Variants in PCOLCE2 observed in about 807,000 individuals in gnomAD.
PCOLCE2 encodes procollagen C-proteinase enhancer 2.
A neutral mutation model predicts 47.0 loss-of-function variants in PCOLCE2; 42 were observed. The ratio of observed to expected loss-of-function variants is 0.89; its 90% CI spans 0.70 to 1.16. PCOLCE2 has a LOEUF of 1.16. Among genes scored for constraint, PCOLCE2 ranks in the 50% most tolerant of loss-of-function variants. The pLI is 0.00. For synonymous variants in PCOLCE2, 169 were observed against 191.7 expected, an observed-to-expected ratio of 0.88 and a Z score of 0.98; for missense variants, 500 against 526.1, an observed-to-expected ratio of 0.95 and a Z score of 0.49.
At position 142,848,466 on chromosome 3, in the gene PCOLCE2, C is replaced by A. The variant is rs770509532; in HGVS notation, c.199G>T (p.Glu67Ter). The A allele has an allele frequency of 3.8e-6, 6 of 1,594,228 alleles. No individual in the cohort carries two copies. The highest frequency in any genetic ancestry group is 3.3e-5 in the South Asian group (3 of 90,072). Reference sequence around the variant, plus strand: ...AAATTGAGAACGACTACTTTTCCTTCGGGAACCTGCCAAGAAAAGCGCCAA... The same window carrying A: ...AAATTGAGAACGACTACTTTTCCTTAGGGAACCTGCCAAGAAAAGCGCCAA... ...SKCTWKITVP[E>*]GKVVVLNFRF... Residue 67 changes from glutamate to a stop codon, truncating the protein, a stop_gained, in exon 3 of 9, where the codon GAA (glutamate) becomes TAA (stop). Coordinates refer to ENST00000295992, the MANE Select transcript of PCOLCE2 (RefSeq NM_013363.4). LOFTEE classifies it high-confidence loss of function.
At chr3:142,870,508 C>CT (rs756848297) in intron 2 of PCOLCE2, among the ~76,000 whole-genome samples, 6 of 152,132 alleles carry the variant, frequency 3.9e-5, no homozygotes, top group Non-Finnish European at 8.8e-5. Flanking sequence ...ACTCCAAACT[C>CT]TCAGCAACCA....
At chr3:142,839,426 C>T (rs1937240640) in intron 4 of PCOLCE2, among the ~76,000 whole-genome samples, 1 of 152,056 alleles carries the variant, frequency 6.6e-6, no homozygotes, top group South Asian at 2.1e-4. Context: ...AATTATCCTG[C>T]CTCAGCCTCC....
chr3:142,830,147 T>C (rs1440248540), intron 5 of PCOLCE2, among the ~76,000 whole-genome samples: 1 of 152,204 alleles, frequency 6.6e-6, no homozygotes, highest in Non-Finnish European at 1.5e-5. Flanking sequence ...CTCAAGGCCC[T>C]ATAGCTAGTA....
Position 142,818,147 on chromosome 3 carries a change from C to T in PCOLCE2, c.*188G>A, listed in dbSNP as rs1936971571. On this transcript the variant is annotated 3_prime_UTR_variant, in exon 9 of 9. Coordinates refer to ENST00000295992, the MANE Select transcript of PCOLCE2 (RefSeq NM_013363.4). ...AATCAGATAGCTGCTCCTCTGACAG[C>T]AGGCAAAGAACTTCCCTCAGCTATC... 1.4e-5 allele frequency: 7 copies of T among 499,608 alleles called. No homozygotes were observed. The highest frequency in any genetic ancestry group is 2.5e-5 in the Non-Finnish European group (7 of 283,092). The allele number at this position is 499,608 out of a possible 1,614,324, so 30.9% of individuals were successfully genotyped here. A position where few individuals can be genotyped will look rare whatever the true frequency, so the allele number is the denominator to read the frequency against.
intron 2 of PCOLCE2, among the ~76,000 whole-genome samples, chr3:142,885,073 A>T (rs11718990): frequency 9.2e-5 from 14 of 151,988 alleles, no homozygotes; most frequent in Admixed American, 9.2e-4. Flanking sequence ...TCCAATCTGC[A>T]GGCTGTACTT....
intron 2 of PCOLCE2, among the ~76,000 whole-genome samples, chr3:142,870,025 A>C (rs1578048287): frequency 6.6e-6 from 1 of 152,244 alleles, no homozygotes; most frequent in Non-Finnish European, 1.5e-5. Flanking sequence ...TTACCATGCT[A>C]TCTTAAAATT....
rs1312733448 is a variant in PCOLCE2 at position 142,829,816 on chromosome 3, A to G, written c.741T>C (p.Leu247=). The change falls in exon 6 of 9, where the codon CTT becomes CTC. Residue 247 remains leucine (L), a synonymous_variant. Coordinates refer to ENST00000295992, the MANE Select transcript of PCOLCE2 (RefSeq NM_013363.4). ...APIVSERNEL[L]IQFLSDLSLT... is the part of the protein sequence containing the mutation. The stretch of plus-strand genomic sequence containing the variant: ...AACTTAAGTCTGATAAAAACTGAAT[A>G]AGAAGTTCATTTCTCTCAGACACAA... The G allele has an allele frequency of 1.3e-6, 2 of 1,597,212 alleles. No homozygotes were observed. Among genetic ancestry groups the G allele is most frequent in the Non-Finnish European group, 1.7e-6 (2 of 1,169,692 alleles).
intron 4 of PCOLCE2, among the ~76,000 whole-genome samples, chr3:142,840,391 TA>T (rs1189398707): frequency 1.3e-5 from 2 of 152,172 alleles, no homozygotes; most frequent in African/African-American, 4.8e-5. Flanking sequence ...TCACTGGATT[TA>T]TTATTACCTA....
intron 2 of PCOLCE2, among the ~76,000 whole-genome samples, chr3:142,862,621 A>G (rs1214093100): frequency 6.6e-6 from 1 of 152,214 alleles, no homozygotes; most frequent in Non-Finnish European, 1.5e-5. Context: ...CATAATAAGA[A>G]TGATAGATGC....
chr3:142,843,841 C>A lies in PCOLCE2; in HGVS notation c.449-793G>T, dbSNP rs369530015. Among the ~76,000 whole-genome samples, 445 of 152,088 alleles carry A rather than the reference C, an allele frequency of 2.9e-3. 3 individuals carry two copies. The highest frequency in any genetic ancestry group is 0.02 in the South Asian group (94 of 4,808). Reference sequence around the variant, plus strand: ...AATATTTCTTTGACACAGAATATATCCAACCATTCTTAAATCAAACTTCTA... The same window carrying A: ...AATATTTCTTTGACACAGAATATATACAACCATTCTTAAATCAAACTTCTA... On this transcript the variant is annotated intron_variant, in intron 3 of 8. Coordinates refer to ENST00000295992, the MANE Select transcript of PCOLCE2 (RefSeq NM_013363.4).
intron 2 of PCOLCE2, among the ~76,000 whole-genome samples, chr3:142,850,742 G>A (rs1937380839): frequency 6.6e-6 from 1 of 151,980 alleles, no homozygotes; most frequent in South Asian, 2.1e-4. Flanking sequence ...GAGAGGAAAT[G>A]GTGACAATAA....
At chr3:142,877,027 T>C (rs1933510094) in intron 2 of PCOLCE2, among the ~76,000 whole-genome samples, 1 of 152,188 alleles carries the variant, frequency 6.6e-6, no homozygotes, top group Non-Finnish European at 1.5e-5. Flanking sequence ...AACCACCATA[T>C]CATGTTGTGT....
At chr3:142,826,485 C>T (rs893094997) in intron 6 of PCOLCE2, among the ~76,000 whole-genome samples, 1 of 152,320 alleles carries the variant, frequency 6.6e-6, no homozygotes, top group East Asian at 1.9e-4. Flanking sequence ...GCCCCTCTCA[C>T]CTTTATAGAA....
chr3:142,876,352 C>T (rs1238921457), intron 2 of PCOLCE2, among the ~76,000 whole-genome samples: 1 of 151,012 alleles, frequency 6.6e-6, no homozygotes, highest in Non-Finnish European at 1.5e-5. Context: ...CAAAGCAATC[C>T]TATGAGGTAG....
At chr3:142,835,668 G>A (rs368531385) in intron 5 of PCOLCE2, among the ~76,000 whole-genome samples, 2 of 152,058 alleles carry the variant, frequency 1.3e-5, no homozygotes, top group East Asian at 3.9e-4. Context: ...TTTGAGACAG[G>A]GTCTTGCTCT....
intron 2 of PCOLCE2, among the ~76,000 whole-genome samples, chr3:142,859,838 G>T (rs1339669569): frequency 6.6e-6 from 1 of 152,166 alleles, no homozygotes; most frequent in East Asian, 1.9e-4. Flanking sequence ...ATGAGCCACT[G>T]CGCCCAGCTA....
intron 2 of PCOLCE2, among the ~76,000 whole-genome samples, chr3:142,856,311 C>T (rs1172799460): frequency 6.6e-6 from 1 of 152,162 alleles, no homozygotes; most frequent in South Asian, 2.1e-4. Flanking sequence ...ACTAGGCCCT[C>T]GAGCCCCTGT....
At chr3:142,872,390 G>A (rs187922381) in intron 2 of PCOLCE2, among the ~76,000 whole-genome samples, 1 of 152,068 alleles carries the variant, frequency 6.6e-6, no homozygotes, top group African/African-American at 2.4e-5. Context: ...GGCTCTTCAG[G>A]ATCTACCCCA....
chr3:142,818,915 C>T (rs1578025703), intron 8 of PCOLCE2, among the ~76,000 whole-genome samples: 1 of 152,252 alleles, frequency 6.6e-6, no homozygotes, highest in African/African-American at 2.4e-5. Context: ...AAGAATGCAC[C>T]GCGTTAACGT....
Sources: gnomAD v4.1 joint callset for allele counts (sites outside exome capture counted in the v4.1 genomes callset) on GRCh38, gnomAD v4.1.1 for gene constraint, MANE v1.5 for transcripts, NCBI Gene and HGNC (gene_info 2026-07-23, HGNC 2026-07-21) for gene names.